The following CSMD1 variants were observed in gnomAD, a reference collection of about 807,000 sequenced individuals.
CSMD1 encodes CUB and sushi domain-containing protein 1.
In CSMD1, 213 loss-of-function variants were observed where a neutral mutation model predicts 417.5. The observed-to-expected ratio is 0.51, with a 90% CI of 0.46 to 0.57. CSMD1 has a LOEUF of 0.57. CSMD1 is among the 20% of genes least tolerant of loss of function. The pLI is 0.00. For missense variants in CSMD1, 6,923 were observed against 4,529.7 expected, an observed-to-expected ratio of 1.53 and a Z score of -15.17; for synonymous variants, 2,862 against 1,736.8, an observed-to-expected ratio of 1.65 and a Z score of -16.11.
At chr8:4,236,110 G>A (rs563871773) in intron 3 of CSMD1, among the ~76,000 whole-genome samples, 2 of 147,008 alleles carry the variant, frequency 1.4e-5, no homozygotes, top group African/African-American at 5.2e-5. Flanking sequence ...GCCCAGCACA[G>A]GGCTTCAAAC....
At position 3,548,323 on chromosome 8, in the gene CSMD1, G is replaced by C. The variant is rs140082134; in HGVS notation, c.1344+26622C>G. Reference sequence around the variant, plus strand: ...TATTTTTTATTTCCATAGGTAATTGGGGAACAGGTGGTATTTGGTTACGTG... The same window carrying C: ...TATTTTTTATTTCCATAGGTAATTGCGGAACAGGTGGTATTTGGTTACGTG... On this transcript the variant is annotated intron_variant, in intron 10 of 69. Transcript: ENST00000635120. Among the ~76,000 whole-genome samples the C allele has an allele frequency of 5.1e-3, 771 of 152,100 alleles. 6 individuals are homozygous for C. Among genetic ancestry groups the C allele is most frequent in the African/African-American group, 0.018 (735 of 41,486 alleles).
intron 7 of CSMD1, among the ~76,000 whole-genome samples, chr8:3,630,554 T>C (rs534736734): frequency 1.3e-5 from 2 of 152,214 alleles, no homozygotes; most frequent in Non-Finnish European, 2.9e-5. Flanking sequence ...GCAAAGCCAA[T>C]TAGAGGAAGA....
intron 23 of CSMD1, among the ~76,000 whole-genome samples, chr8:3,309,707 AAG>A (rs139626132): frequency 0.014 from 2,068 of 152,288 alleles, 51 homozygotes; most frequent in African/African-American, 0.047. Context: ...TTTTCTCAAA[AAG>A]AAATTAAATT....
chr8:4,336,104 G>C (rs148175421), intron 3 of CSMD1, among the ~76,000 whole-genome samples: 1 of 152,176 alleles, frequency 6.6e-6, no homozygotes, highest in South Asian at 2.1e-4. Context: ...GAGAAATAGT[G>C]TAAGTATTTT....
At chr8:4,397,990 T>C (rs1312540052) in intron 3 of CSMD1, among the ~76,000 whole-genome samples, 1 of 152,204 alleles carries the variant, frequency 6.6e-6, no homozygotes, top group Non-Finnish European at 1.5e-5. Context: ...TAGATGATTT[T>C]TAAATACCTT....
chr8:4,731,541 T>C (rs549648584), intron 1 of CSMD1, among the ~76,000 whole-genome samples: 4 of 152,364 alleles, frequency 2.6e-5, no homozygotes, highest in South Asian at 2.1e-4. Context: ...TGTTCTTTTG[T>C]TCATTAATTA....
intron 1 of CSMD1, among the ~76,000 whole-genome samples, chr8:4,917,085 A>T (rs1806114215): frequency 6.6e-6 from 1 of 152,202 alleles, no homozygotes; most frequent in African/African-American, 2.4e-5. Context: ...ATCTATAGGA[A>T]GCACGGCTGT....
chr8:3,069,140 A>G (rs1813153877), intron 49 of CSMD1, among the ~76,000 whole-genome samples: 2 of 152,138 alleles, frequency 1.3e-5, no homozygotes, highest in Non-Finnish European at 2.9e-5. Flanking sequence ...AAATTGGCCA[A>G]GAGAAAGGGG....
intron 5 of CSMD1, among the ~76,000 whole-genome samples, chr8:3,896,794 G>C (rs1807401527): frequency 6.6e-6 from 1 of 151,942 alleles, no homozygotes; most frequent in Non-Finnish European, 1.5e-5. Context: ...TTGTCTGAGA[G>C]TCTGAATTGA....
chr8:4,057,926 G>C (rs996433548), intron 3 of CSMD1, among the ~76,000 whole-genome samples: 1 of 151,198 alleles, frequency 6.6e-6, no homozygotes. Context: ...ATGCTGTTTT[G>C]GTTCCTGTAG....
chr8:3,440,474 A>G (rs1034511933), intron 12 of CSMD1, among the ~76,000 whole-genome samples: 3 of 152,164 alleles, frequency 2.0e-5, no homozygotes, highest in Admixed American at 2.0e-4. Flanking sequence ...AATACAGTAG[A>G]TTTTGTTGTT....
intron 1 of CSMD1, among the ~76,000 whole-genome samples, chr8:4,864,119 T>C (rs1394176110): frequency 6.6e-6 from 1 of 151,980 alleles, no homozygotes; most frequent in Non-Finnish European, 1.5e-5. Flanking sequence ...GTTGAAAACT[T>C]TGTCTGGGTA....
intron 20 of CSMD1, among the ~76,000 whole-genome samples, chr8:3,365,740 A>G (rs76897078): frequency 9.9e-5 from 15 of 152,224 alleles, no homozygotes; most frequent in African/African-American, 3.6e-4. Flanking sequence ...TGGGGCGTCA[A>G]GAGTTACCCT....
chr8:3,546,478 G>A (rs548018431), intron 10 of CSMD1, among the ~76,000 whole-genome samples: 1 of 151,736 alleles, frequency 6.6e-6, no homozygotes, highest in African/African-American at 2.4e-5. Context: ...GGAGCTTGTG[G>A]TGAGTCAAGA....
intron 3 of CSMD1, among the ~76,000 whole-genome samples, chr8:4,109,734 C>T (rs1170956978): frequency 6.6e-6 from 1 of 152,080 alleles, no homozygotes; most frequent in Non-Finnish European, 1.5e-5. Flanking sequence ...ACAACTATGT[C>T]TTATTTTTAA....
At chr8:4,681,679 T>A (rs192695784) in intron 1 of CSMD1, among the ~76,000 whole-genome samples, 4 of 152,164 alleles carry the variant, frequency 2.6e-5, no homozygotes, top group African/African-American at 9.6e-5. Context: ...TCCCCCCTTT[T>A]CCTCATACAA....
intron 12 of CSMD1, among the ~76,000 whole-genome samples, chr8:3,419,203 G>C (rs1166720243): frequency 9.9e-5 from 15 of 152,280 alleles, no homozygotes; most frequent in African/African-American, 2.4e-5. Context: ...ACATTTCTGA[G>C]CACCTAAGTG....
intron 3 of CSMD1, among the ~76,000 whole-genome samples, chr8:4,138,044 A>ATTTTTTTTTTTT (rs55993904): frequency 8.0e-5 from 5 of 62,704 alleles, no homozygotes; most frequent in African/African-American, 3.2e-4. Flanking sequence ...TGCCCGGCTA[A>ATTTTTTTTTTTT]TTTTTTTTTT....
chr8:3,601,173 G>C (rs1801344383), intron 8 of CSMD1, among the ~76,000 whole-genome samples: 1 of 152,172 alleles, frequency 6.6e-6, no homozygotes, highest in Admixed American at 6.5e-5. Context: ...CTGCATCATT[G>C]TGTCCGTGGG....
Sources: allele counts gnomAD v4.1 joint callset (sites outside exome capture counted in the v4.1 genomes callset), GRCh38; gene constraint gnomAD v4.1.1; transcripts MANE v1.5; gene names NCBI Gene and HGNC (gene_info 2026-07-23, HGNC 2026-07-21).